PIGS: variants seen among roughly 807,000 people sequenced by gnomAD.
The protein encoded by PIGS is phosphatidylinositol glycan anchor biosynthesis class S.
PIGS carries 37 observed loss-of-function variants against 58.2 expected under a neutral mutation model. The observed-to-expected ratio is 0.64, with a 90% CI of 0.49 to 0.84. The LOEUF (loss-of-function observed/expected upper bound fraction) is 0.84, where lower values mean the gene tolerates loss of function less well. Ranked by LOEUF, PIGS falls within the 40% of genes least tolerant of loss-of-function variation. The pLI is 0.00. For synonymous variants in PIGS, 269 were observed against 289.2 expected (o/e 0.93, Z 0.71); for missense variants, 629 against 710.8 (o/e 0.88, Z 1.31).
rs1361541931 is a variant in PIGS at position 28,554,099 on chromosome 17, A to G, written c.*121T>C. 5.3e-6 allele frequency: 7 copies of G among 1,329,730 alleles called. No individual in the cohort carries two copies. Among genetic ancestry groups the G allele is most frequent in the Admixed American group, 2.2e-5 (1 of 46,440 alleles). 82.4% of individuals were successfully genotyped at this position (1,329,730 alleles called of 1,614,324 possible). On this transcript the variant is annotated 3_prime_UTR_variant, in exon 12 of 12. Coordinates refer to ENST00000308360, the MANE Select transcript of PIGS (RefSeq NM_033198.4). ...GTTGTACTTTGGTTGCTGGAGAGCCAACAGTGGAGACTGGAGACAAATATT... is the reference window on the plus strand; with the variant it reads ...GTTGTACTTTGGTTGCTGGAGAGCCGACAGTGGAGACTGGAGACAAATATT...
At chr17:28,568,086 A>G (rs550408814) in intron 3 of PIGS, among the ~76,000 whole-genome samples, 46 of 151,364 alleles carry the variant, frequency 3.0e-4, no homozygotes, top group Non-Finnish European at 5.7e-4. Context: ...ACCATCTAAC[A>G]TACATTTGAC....
At chr17:28,563,988 C>A in intron 3 of PIGS, 81 bp from the exon 4 acceptor site, 4 of 1,184,302 alleles carry the variant, frequency 3.4e-6, no homozygotes, top group Non-Finnish European at 3.7e-6. Flanking sequence ...CACTGTCCAG[C>A]ATCTGAGGAC....
chr17:28,569,853 T>A (rs1340870034), intron 3 of PIGS, among the ~76,000 whole-genome samples: 1 of 152,196 alleles, frequency 6.6e-6, no homozygotes, highest in Admixed American at 6.5e-5. Context: ...GCAACACATA[T>A]AAAATGCTTC....
chr17:28,556,159 A>C lies in PIGS; in HGVS notation c.1181+7T>G. 1 of 1,607,266 alleles carries C rather than the reference A, an allele frequency of 6.2e-7. No homozygotes were observed. Among genetic ancestry groups the C allele is most frequent in the Non-Finnish European group, 8.5e-7 (1 of 1,173,920 alleles). ...TATGTCCCCAAGTGGATCATCCAGG[A>C]CCTCACCGCAACTGTGCCAGGAACA... On this transcript the variant is annotated splice_region_variant and intron_variant, in intron 10 of 11. Transcript: ENST00000308360.
rs57310687 is a variant in PIGS at position 28,566,271 on chromosome 17, CTT to C, written c.287-2366_287-2365del. 1.2e-3 allele frequency among the ~76,000 whole-genome samples: 122 copies of C among 97,796 alleles called. 2 individuals carry two copies. The highest frequency in any genetic ancestry group is 9.8e-3 in the Middle Eastern group (1 of 102). The allele number at this position is 97,796 out of a possible 152,430, so 64.2% of individuals were successfully genotyped here. A position where few individuals can be genotyped will look rare whatever the true frequency, so the allele number is the denominator to read the frequency against. On this transcript the variant is annotated intron_variant, in intron 3 of 11. Coordinates refer to ENST00000308360, the MANE Select transcript of PIGS (RefSeq NM_033198.4). ...GGACCCCTTGTCTACTTTTTCTTTT[CTT>C]TTTTTTTTTTTTTTTGTTTTTTTGG...
Position 28,561,553 on chromosome 17 carries a change from A to G in PIGS, c.545T>C (p.Ile182Thr), listed in dbSNP as rs369628449. ...GGCCACCTGGACTATGCGGCGGCCA[A>G]TGATGTTAAAGGCCTCCCGGTGCAT... ...GIMHREAFNI[I>T]GRRIVQVAQA... Residue 182 changes from isoleucine to threonine, a missense_variant, in exon 6 of 12, where the codon ATT (isoleucine) becomes ACT (threonine). Transcript: ENST00000308360. 22 of 1,613,866 alleles carry G rather than the reference A, an allele frequency of 1.4e-5. No individual in the cohort carries two copies. The highest frequency in any genetic ancestry group is 1.8e-5 in the Non-Finnish European group (21 of 1,179,950).
intron 3 of PIGS, among the ~76,000 whole-genome samples, chr17:28,568,408 T>A (rs1417465829): frequency 1.3e-5 from 2 of 152,204 alleles, no homozygotes; most frequent in African/African-American, 4.8e-5. Flanking sequence ...CAGCTTTGTC[T>A]TTTTTATTGT....
In PIGS at chr17:28,561,498, A is replaced by C. The variant is rs755765967; in HGVS notation, c.600T>G (p.Leu200=). Residue 200 remains leucine, a synonymous_variant, in exon 6 of 12, where the codon CTT becomes CTG. Transcript: ENST00000308360. ...GAAGGTGGTCAGCCAGAGCAGCAGCAAGCACATCCTCAGTCAAAGACATGG... is the reference window on the plus strand; with the variant it reads ...GAAGGTGGTCAGCCAGAGCAGCAGCCAGCACATCCTCAGTCAAAGACATGG... ...AQAMSLTEDV[L]AAALADHLPE... The C allele has an allele frequency of 6.2e-7, 1 of 1,614,140 alleles. No homozygotes were observed. Among genetic ancestry groups the C allele is most frequent in the African/African-American group, 1.3e-5 (1 of 75,050 alleles).
intron 1 of PIGS, 120 bp downstream of exon 1, chr17:28,571,343 G>A: frequency 6.6e-7 from 1 of 1,526,282 alleles, no homozygotes; most frequent in Non-Finnish European, 8.9e-7. Flanking sequence ...AGGGAATCTC[G>A]TCTGAAGAGA....
intron 10 of PIGS, 54 bp from the exon 11 acceptor site, chr17:28,555,115 C>G: frequency 6.9e-7 from 1 of 1,459,406 alleles, no homozygotes; most frequent in South Asian, 1.2e-5. Context: ...GGCGGGAGAT[C>G]ATGGCTAAGA....
chr17:28,556,880 C>T lies in PIGS; in HGVS notation c.1027G>A (p.Gly343Ser), dbSNP rs774049858. The change falls in exon 9 of 12, where the codon GGC becomes AGC. Residue 343 changes from glycine to serine, a missense_variant. By Grantham distance (56) the Gly-to-Ser change is moderately conservative. Transcript: ENST00000308360. ...AAGGCATTGGTGGCCACTGGAGCGC[C>T]ATCCTTGTCCTGAATGTACAGCGGT... ...HSPLYIQDKD[G>S]APVATNAFHS... The T allele has an allele frequency of 8.9e-5, 144 of 1,614,184 alleles. 2 individuals carry two copies. The East Asian group carries it at 3.2e-3, about 35-fold the overall frequency.
chr17:28,556,576 G>A, intron 9 of PIGS: 2 of 708,110 alleles, frequency 2.8e-6, no homozygotes, highest in Non-Finnish European at 5.0e-6. Context: ...ATAAGGCGAA[G>A]ATCTAAGATG....
intron 3 of PIGS, among the ~76,000 whole-genome samples, chr17:28,570,628 G>A (rs953075056): frequency 2.6e-5 from 4 of 152,200 alleles, no homozygotes; most frequent in African/African-American, 4.8e-5. Flanking sequence ...ACCCTGATGG[G>A]CATCAACTGC....
chr17:28,557,352 T>C (rs2070337619), intron 8 of PIGS: 1 of 222,258 alleles, frequency 4.5e-6, no homozygotes, highest in Admixed American at 6.2e-5. Context: ...GCCACCCATA[T>C]CAGGTTAAAG....
chr17:28,563,940 G>A (rs2070380446), intron 3 of PIGS, 33 bp from the exon 4 acceptor site: 7 of 1,577,416 alleles, frequency 4.4e-6, no homozygotes, highest in Admixed American at 1.7e-5. Context: ...CAATGAAAAG[G>A]GCAAGCATCA....
At chr17:28,557,942 G>A (rs2070340781) in intron 8 of PIGS, among the ~76,000 whole-genome samples, 1 of 152,184 alleles carries the variant, frequency 6.6e-6, no homozygotes, top group Non-Finnish European at 1.5e-5. Flanking sequence ...AAAAGTGCTA[G>A]GAATCACGTT....
At chr17:28,562,991 G>A (rs1305811815) in intron 5 of PIGS, among the ~76,000 whole-genome samples, 1 of 152,142 alleles carries the variant, frequency 6.6e-6, no homozygotes, top group Non-Finnish European at 1.5e-5. Flanking sequence ...TGAGCCACCA[G>A]ACCCAGCCAG....
rs2070353457 is a variant in PIGS at position 28,560,030 on chromosome 17, A to C, written c.819+19T>G. ...GTATAGACATTGAAAAGGACTCCTC[A>C]ACTTGCTCCCGGTCTCACCTGAGAG... On this transcript the variant is annotated intron_variant, in intron 7 of 11. Coordinates refer to ENST00000308360, the MANE Select transcript of PIGS (RefSeq NM_033198.4). 6.3e-7 allele frequency: 1 copy of C among 1,592,492 alleles called. No individual in the cohort carries two copies. The highest frequency in any genetic ancestry group is 1.4e-5 in the African/African-American group (1 of 73,350).
At position 28,571,456 on chromosome 17, in the gene PIGS, A is replaced by G; in HGVS notation, c.34+7T>C. ...GCTGCAGGCCCCCCACCCGAAGCCCACCGCACCTAGGTGTGTAGCCGCAGC... is the reference window on the plus strand; with the variant it reads ...GCTGCAGGCCCCCCACCCGAAGCCCGCCGCACCTAGGTGTGTAGCCGCAGC... On this transcript the variant is annotated splice_region_variant and intron_variant, in intron 1 of 11. Transcript: ENST00000308360. 1.9e-6 allele frequency: 3 copies of G among 1,609,700 alleles called. No individual in the cohort carries two copies. Among genetic ancestry groups the G allele is most frequent in the Non-Finnish European group, 2.5e-6 (3 of 1,178,420 alleles).
Sources: gnomAD v4.1 joint callset for allele counts (sites outside exome capture counted in the v4.1 genomes callset) on GRCh38, gnomAD v4.1.1 for gene constraint, MANE v1.5 for transcripts, NCBI Gene and HGNC (gene_info 2026-07-23, HGNC 2026-07-21) for gene names.